Variants in TMT1A observed in about 807,000 individuals in gnomAD.
TMT1A encodes thiol S-methyltransferase TMT1A.
At chr12:50,926,970 C>T in the TMT1A span, among the ~76,000 whole-genome samples, 3 of 152,204 alleles carry the variant, frequency 2.0e-5, no homozygotes, top group East Asian at 5.8e-4. Context: ...ATATGGATAT[C>T]TTAACATTTG....
At chr12:50,925,025 T>C in the TMT1A span, 2 of 1,611,348 alleles carry the variant, frequency 1.2e-6, no homozygotes, top group Non-Finnish European at 1.7e-6. Flanking sequence ...ATCTGTTTTT[T>C]TCCCTTCTGA....
the TMT1A span, among the ~76,000 whole-genome samples, chr12:50,927,983 C>T: frequency 1.3e-5 from 2 of 152,160 alleles, no homozygotes; most frequent in Non-Finnish European, 2.9e-5. Flanking sequence ...TGCTACCACG[C>T]CTGGCTAACT....
At chr12:50,925,215 C>T in the TMT1A span, 3 of 1,614,222 alleles carry the variant, frequency 1.9e-6, no homozygotes, top group Non-Finnish European at 1.7e-6. Context: ...GGGAGCTCTT[C>T]AGTAACCTGC....
the TMT1A span, among the ~76,000 whole-genome samples, chr12:50,926,551 TGTAA>T: frequency 2.0e-5 from 3 of 152,226 alleles, no homozygotes; most frequent in Admixed American, 6.5e-5. Flanking sequence ...TAGGATGCTA[TGTAA>T]GTGAGTTGTC....
the TMT1A span, chr12:50,930,380 AG>A: frequency 1.2e-4 from 43 of 354,292 alleles, no homozygotes; most frequent in Non-Finnish European, 1.8e-4. Context: ...CGCGGGTTTA[AG>A]CGATTCTTCT....
the TMT1A span, among the ~76,000 whole-genome samples, chr12:50,928,929 T>G: frequency 8.2e-3 from 1,244 of 152,114 alleles, 16 homozygotes; most frequent in African/African-American, 0.028. Flanking sequence ...TGCTGCCCTA[T>G]CCTATGAAGA....
chr12:50,929,109 C>A, the TMT1A span, among the ~76,000 whole-genome samples: 1 of 152,000 alleles, frequency 6.6e-6, no homozygotes, highest in Admixed American at 6.6e-5. Context: ...GTGGTGTGCA[C>A]CTGTTGTCCC....
At chr12:50,930,027 G>T in the TMT1A span, 1 of 1,613,952 alleles carries the variant, frequency 6.2e-7, no homozygotes, top group Non-Finnish European at 8.5e-7. Context: ...GGTGCAACCT[G>T]ACCAGAGAGA....
chr12:50,930,144 GA>G, the TMT1A span: 4 of 1,600,610 alleles, frequency 2.5e-6, no homozygotes, highest in Non-Finnish European at 3.4e-6. Flanking sequence ...GATATGCTGT[GA>G]AATAGTGTGA....
At chr12:50,926,447 CT>C in the TMT1A span, among the ~76,000 whole-genome samples, 1 of 152,304 alleles carries the variant, frequency 6.6e-6, no homozygotes. Context: ...ACCACACATA[CT>C]CTTTTATCCA....
At chr12:50,929,783 C>A in the TMT1A span, 1 of 758,864 alleles carries the variant, frequency 1.3e-6, no homozygotes, top group Non-Finnish European at 2.1e-6. Context: ...TGGAGTGACC[C>A]TCCTGCTCAG....
chr12:50,930,040 T>C, the TMT1A span: 1 of 1,614,110 alleles, frequency 6.2e-7, no homozygotes, highest in East Asian at 2.2e-5. Flanking sequence ...CAGAGAGAGC[T>C]GGAAGGCCCT....
At chr12:50,928,955 G>T in the TMT1A span, among the ~76,000 whole-genome samples, 2 of 151,890 alleles carry the variant, frequency 1.3e-5, no homozygotes, top group African/African-American at 4.8e-5. Flanking sequence ...TTTAAAATCA[G>T]GGCCGGGCAC....
the TMT1A span, chr12:50,925,152 C>T: frequency 1.2e-6 from 2 of 1,614,194 alleles, no homozygotes; most frequent in South Asian, 1.1e-5. Context: ...GGTTCCCCTA[C>T]TTCTTGGTGA....
the TMT1A span, chr12:50,925,404 T>G: frequency 6.2e-7 from 1 of 1,614,212 alleles, no homozygotes; most frequent in South Asian, 1.1e-5. Flanking sequence ...TTGAGCGCTT[T>G]GTGGTAGCTG....
the TMT1A span, chr12:50,930,153 T>C: frequency 6.3e-7 from 1 of 1,594,256 alleles, no homozygotes; most frequent in Non-Finnish European, 8.6e-7. Flanking sequence ...TGAAATAGTG[T>C]GAGCTGGCAG....
the TMT1A span, among the ~76,000 whole-genome samples, chr12:50,926,141 G>A: frequency 1.3e-5 from 2 of 151,590 alleles, no homozygotes; most frequent in African/African-American, 2.4e-5. Context: ...ATAGACAAAG[G>A]GTTAACTTCC....
the TMT1A span, chr12:50,925,614 T>C: frequency 6.9e-7 from 1 of 1,457,752 alleles, no homozygotes. Context: ...TTCAGGTGGC[T>C]GAAACATTTT....
At chr12:50,925,427 T>C in the TMT1A span, 16 of 1,614,080 alleles carry the variant, frequency 9.9e-6, 1 homozygote, top group South Asian at 1.2e-4. Flanking sequence ...GGGGAGAACA[T>C]GCACCAGGTG....
Sources: gnomAD v4.1 joint callset for allele counts (sites outside exome capture counted in the v4.1 genomes callset) on GRCh38, gnomAD v4.1.1 for gene constraint, MANE v1.5 for transcripts, NCBI Gene and HGNC (gene_info 2026-07-23, HGNC 2026-07-21) for gene names.